TRIOBP: variants seen among roughly 807,000 people sequenced by gnomAD.
The protein encoded by TRIOBP is TRIO and F-actin-binding protein.
A neutral mutation model predicts 238.8 loss-of-function variants in TRIOBP; 169 were observed. That is an observed-to-expected ratio of 0.71 (90% CI 0.62 to 0.80). TRIOBP has a LOEUF of 0.80. Among genes scored for constraint, TRIOBP ranks in the 30% least tolerant of loss-of-function variants. TRIOBP has a pLI of 0.00. For missense variants in TRIOBP, 2,838 were observed against 3,122.6 expected (o/e 0.91, Z 2.17); for synonymous variants, 1,150 against 1,274.4 (o/e 0.90, Z 2.08).
intron 10 of TRIOBP, 127 bp downstream of exon 10, chr22:37,738,846 T>C: frequency 1.0e-6 from 1 of 972,100 alleles, no homozygotes; most frequent in Non-Finnish European, 1.6e-6. Flanking sequence ...CATGGGGTCA[T>C]CTATGTGCAT....
intron 6 of TRIOBP, 106 bp downstream of exon 6, chr22:37,716,040 T>C: frequency 8.2e-7 from 1 of 1,212,392 alleles, no homozygotes; most frequent in Non-Finnish European, 1.2e-6. Flanking sequence ...TTTGGTGGCC[T>C]GAGTGTTAAT....
chr22:37,715,776 T>C lies in TRIOBP; in HGVS notation c.470T>C (p.Val157Ala). The change falls in exon 6 of 24, where the codon GTT becomes GCT. Residue 157 changes from valine (V) to alanine (A), a missense_variant. Physicochemically the swap from Val to Ala is moderately conservative, Grantham distance 64. This residue lies in a region of TRIOBP where 535 missense variants were observed against 537.3 expected (regional missense o/e 1.00). Coordinates refer to ENST00000644935, the MANE Select transcript of TRIOBP (RefSeq NM_001039141.3). Reference protein sequence around the residue: ...SNSSSVDWDTVERQEEEAPSW... With the variant: ...SNSSSVDWDTAERQEEEAPSW... ...CTTCTCTGGCAGGACTGGGACACTG[T>C]TGAGAGGCAGGAGGAGGAGGCCCCC... 2.5e-6 allele frequency: 4 copies of C among 1,614,014 alleles called. No homozygotes were observed. The highest frequency in any genetic ancestry group is 1.3e-5 in the African/African-American group (1 of 75,042).
chr22:37,701,275 C>T, intron 2 of TRIOBP, 31 bp from the exon 3 acceptor site: 12 of 1,009,952 alleles, frequency 1.2e-5, no homozygotes, highest in Non-Finnish European at 1.7e-5. Context: ...AGCCAGTCAT[C>T]TGGTCTTTGC....
chr22:37,765,138 G>C (rs1336040605), intron 17 of TRIOBP, among the ~76,000 whole-genome samples: 1 of 152,140 alleles, frequency 6.6e-6, no homozygotes. Flanking sequence ...AAAATTAGCT[G>C]GGCGTGGTGG....
Position 37,713,574 on chromosome 22 carries a change from C to T in TRIOBP, c.456+163C>T, listed in dbSNP as rs570143340. On this transcript the variant is annotated intron_variant, in intron 5 of 23. Transcript: ENST00000644935. ...CAGCTCGGGCCACCCCGGCGAACCC[C>T]TGGAGAGTGGGGATTTCTGCACAGG... 3.9e-5 allele frequency among the ~76,000 whole-genome samples: 6 copies of T among 152,352 alleles called. No homozygotes were observed. In the East Asian group the frequency reaches 7.7e-4, roughly 20 times the overall value.
At chr22:37,732,361 C>CA (rs1924465947) in intron 7 of TRIOBP, among the ~76,000 whole-genome samples, 1 of 152,026 alleles carries the variant, frequency 6.6e-6, no homozygotes, top group Non-Finnish European at 1.5e-5. Flanking sequence ...AACACTTGCC[C>CA]AGGGTCAGGC....
At chr22:37,722,323 G>A (rs560660615) in intron 6 of TRIOBP, among the ~76,000 whole-genome samples, 3 of 152,010 alleles carry the variant, frequency 2.0e-5, no homozygotes, top group East Asian at 3.9e-4. Context: ...AACTACTTGG[G>A]AGGCTGAGGC....
chr22:37,698,721 C>T (rs1371791080), intron 2 of TRIOBP, among the ~76,000 whole-genome samples: 3 of 152,100 alleles, frequency 2.0e-5, no homozygotes, highest in South Asian at 4.2e-4. Context: ...CCTGTAGTCC[C>T]AGTTACTCAG....
At chr22:37,743,928 C>T (rs1025407159) in intron 11 of TRIOBP, among the ~76,000 whole-genome samples, 1 of 147,728 alleles carries the variant, frequency 6.8e-6, no homozygotes, top group Non-Finnish European at 1.5e-5. Flanking sequence ...GTTCCAGGCA[C>T]AGCAGAGAAC....
intron 11 of TRIOBP, among the ~76,000 whole-genome samples, chr22:37,746,856 C>A (rs1601649517): frequency 6.6e-6 from 1 of 152,108 alleles, no homozygotes; most frequent in Non-Finnish European, 1.5e-5. Flanking sequence ...GCGGATGGGT[C>A]GCGCTGACCC....
chr22:37,752,680 T>A (rs1925683960), intron 12 of TRIOBP, among the ~76,000 whole-genome samples: 2 of 152,204 alleles, frequency 1.3e-5, no homozygotes, highest in African/African-American at 4.8e-5. Context: ...CTGTCCCTGG[T>A]GGCTGCTCTC....
intron 17 of TRIOBP, among the ~76,000 whole-genome samples, chr22:37,761,212 T>C (rs1479187255): frequency 6.6e-6 from 1 of 150,694 alleles, no homozygotes; most frequent in South Asian, 2.1e-4. Context: ...CTTTGGGAGG[T>C]GAGGTGGGTG....
chr22:37,747,501 A>G (rs1488615658), intron 11 of TRIOBP, among the ~76,000 whole-genome samples: 1 of 152,316 alleles, frequency 6.6e-6, no homozygotes, highest in East Asian at 1.9e-4. Context: ...TGGCACGCCT[A>G]GCCCCTGCCC....
At chr22:37,743,800 A>AGTGTGTGTGTGT (rs1238130911) in intron 11 of TRIOBP, among the ~76,000 whole-genome samples, 11 of 55,332 alleles carry the variant, frequency 2.0e-4, no homozygotes, top group Non-Finnish European at 3.7e-4. Flanking sequence ...AGAGAGAGAG[A>AGTGTGTGTGTGT]ATGTGTGTGT....
In TRIOBP at chr22:37,715,803, G is replaced by C. The variant is rs540459171; in HGVS notation, c.497G>C (p.Ser166Thr). 2.0e-4 allele frequency: 321 copies of C among 1,614,110 alleles called. 4 individuals are homozygous for C. In the South Asian group the frequency reaches 3.4e-3, roughly 17 times the overall value. Residue 166 changes from serine to threonine, a missense_variant, in exon 6 of 24, where the codon AGC (serine) becomes ACC (threonine). Transcript: ENST00000644935. ...TVERQEEEAPSWDELAVMIPR... is the reference protein window; with the variant it reads ...TVERQEEEAPTWDELAVMIPR... ...GAGAGGCAGGAGGAGGAGGCCCCCA[G>C]CTGGGACGAGCTCGCAGTGATGATC...
intron 22 of TRIOBP, 148 bp from the exon 23 acceptor site, chr22:37,772,453 C>T: frequency 9.2e-7 from 1 of 1,092,764 alleles, no homozygotes; most frequent in East Asian, 2.5e-5. Flanking sequence ...GGGGTAAGCC[C>T]AGAACCCACG....
chr22:37,739,622 C>A (rs1336754411), intron 10 of TRIOBP, among the ~76,000 whole-genome samples: 1 of 152,212 alleles, frequency 6.6e-6, no homozygotes. Context: ...CCACCTGGCA[C>A]CCATGCTGCC....
intron 11 of TRIOBP, 128 bp from the exon 12 acceptor site, chr22:37,751,644 C>A: frequency 9.4e-7 from 1 of 1,062,206 alleles, no homozygotes. Flanking sequence ...CCTTAGCCCT[C>A]TTGGCTGGCT....
chr22:37,738,853 G>A, intron 10 of TRIOBP, 134 bp downstream of exon 10: 1 of 929,068 alleles, frequency 1.1e-6, no homozygotes, highest in Non-Finnish European at 1.7e-6. Flanking sequence ...TCATCTATGT[G>A]CATGGTGGGG....
Sources: allele counts gnomAD v4.1 joint callset (sites outside exome capture counted in the v4.1 genomes callset), GRCh38; gene constraint gnomAD v4.1.1; regional missense constraint gnomAD v4.1.1; transcripts MANE v1.5; gene names NCBI Gene and HGNC (gene_info 2026-07-23, HGNC 2026-07-21).